MBOAT1: variants seen among roughly 807,000 people sequenced by gnomAD.
MBOAT1 encodes the protein membrane-bound glycerophospholipid O-acyltransferase 1.
MBOAT1 carries 67 observed loss-of-function variants against 64.4 expected under a neutral mutation model. That is an observed-to-expected ratio of 1.04 (90% CI 0.85 to 1.27). The LOEUF is 1.27. Ranked by LOEUF, MBOAT1 falls within the 50% of genes most tolerant of loss-of-function variation. The probability of loss-of-function intolerance (pLI) is 0.00; values close to 1 mark genes in which losing one functional copy is unlikely to be tolerated. For missense variants in MBOAT1, 563 were observed against 604.6 expected (o/e 0.93, Z 0.72); for synonymous variants, 229 against 218.9 (o/e 1.05, Z -0.41).
At position 20,118,519 on chromosome 6, in the gene MBOAT1, G is replaced by A. The variant is rs1760397919; in HGVS notation, c.929C>T (p.Ala310Val). Reference sequence around the variant, plus strand: ...ATCCACTCCGCTGAACCCAAAGCCAGCTGCGTTATTCACTGCATCAGCTAT... The same window carrying A: ...ATCCACTCCGCTGAACCCAAAGCCAACTGCGTTATTCACTGCATCAGCTAT... Reference protein sequence around the residue: ...WTLADAVNNAAGFGFSGVDKN... With the variant: ...WTLADAVNNAVGFGFSGVDKN... The change falls in exon 9 of 13, where the codon GCT (alanine) becomes GTT (valine). Residue 310 changes from alanine (A) to valine (V), a missense_variant. By Grantham distance (64) the Ala-to-Val change is moderately conservative. Coordinates refer to ENST00000324607, the MANE Select transcript of MBOAT1 (RefSeq NM_001080480.3). 6.2e-7 allele frequency: 1 copy of A among 1,613,844 alleles called. No individual in the cohort carries two copies. Among genetic ancestry groups the A allele is most frequent in the Non-Finnish European group, 8.5e-7 (1 of 1,179,970 alleles).
chr6:20,174,299 A>C (rs979896116), intron 1 of MBOAT1, among the ~76,000 whole-genome samples: 9 of 152,198 alleles, frequency 5.9e-5, no homozygotes, highest in Non-Finnish European at 1.0e-4. Flanking sequence ...GTCATCATGC[A>C]AGCATCATAG....
intron 1 of MBOAT1, among the ~76,000 whole-genome samples, chr6:20,206,364 G>C (rs1195400601): frequency 6.6e-6 from 1 of 152,112 alleles, no homozygotes; most frequent in African/African-American, 2.4e-5. Flanking sequence ...AGTAAAGATG[G>C]GGTTTCGCCA....
chr6:20,152,013 T>C (rs926215262), intron 2 of MBOAT1, among the ~76,000 whole-genome samples: 9 of 152,114 alleles, frequency 5.9e-5, no homozygotes, highest in African/African-American at 2.2e-4. Context: ...GAGGGATCTG[T>C]AGAAGTCTAA....
intron 12 of MBOAT1, among the ~76,000 whole-genome samples, chr6:20,104,347 A>C (rs1394259241): frequency 6.6e-6 from 1 of 152,234 alleles, no homozygotes; most frequent in Non-Finnish European, 1.5e-5. Flanking sequence ...CAAGTATAAA[A>C]GGTTCTTCTT....
At chr6:20,164,243 G>C (rs1246336453) in intron 1 of MBOAT1, among the ~76,000 whole-genome samples, 1 of 151,476 alleles carries the variant, frequency 6.6e-6, no homozygotes, top group East Asian at 1.9e-4. Flanking sequence ...AATTTTTCCT[G>C]TGGCTCAGGT....
chr6:20,210,490 G>C (rs1421371717), intron 1 of MBOAT1, among the ~76,000 whole-genome samples: 1 of 152,120 alleles, frequency 6.6e-6, no homozygotes, highest in African/African-American at 2.4e-5. Context: ...ACTCCTGCTG[G>C]AGGGTGGTCA....
intron 2 of MBOAT1, among the ~76,000 whole-genome samples, chr6:20,151,557 C>A (rs543196454): frequency 1.2e-4 from 19 of 152,260 alleles, no homozygotes; most frequent in Non-Finnish European, 2.6e-4. Flanking sequence ...GAGATGAGTT[C>A]TTTCTTTAAG....
intron 10 of MBOAT1, among the ~76,000 whole-genome samples, chr6:20,114,002 C>G (rs1264077134): frequency 6.6e-6 from 1 of 151,874 alleles, no homozygotes; most frequent in African/African-American, 2.4e-5. Flanking sequence ...GGACTGAGAC[C>G]CCATTTGGAC....
chr6:20,201,583 A>ATTT (rs56306528), intron 1 of MBOAT1, among the ~76,000 whole-genome samples: 3 of 143,234 alleles, frequency 2.1e-5, no homozygotes, highest in African/African-American at 7.7e-5. Flanking sequence ...CAGATAAGTG[A>ATTT]TTTTTTTTTT....
chr6:20,206,795 A>G lies in MBOAT1; in HGVS notation c.99+5341T>C, dbSNP rs149209087. 4.6e-5 allele frequency among the ~76,000 whole-genome samples: 7 copies of G among 152,062 alleles called. No homozygotes were observed. In the East Asian group the frequency reaches 1.4e-3, roughly 29 times the overall value. On this transcript the variant is annotated intron_variant, in intron 1 of 12. Coordinates refer to ENST00000324607, the MANE Select transcript of MBOAT1 (RefSeq NM_001080480.3). ...ATACCCCAGTTCCCCTGCTTGCTAC[A>G]CTCAACAGACTTTCACCCCCACCCT...
At chr6:20,171,065 T>G (rs568953228) in intron 1 of MBOAT1, among the ~76,000 whole-genome samples, 2 of 152,300 alleles carry the variant, frequency 1.3e-5, no homozygotes, top group Admixed American at 6.5e-5. Flanking sequence ...GTAGGAAATA[T>G]AGTTTTGGTA....
intron 1 of MBOAT1, among the ~76,000 whole-genome samples, chr6:20,188,919 C>T (rs962926888): frequency 1.3e-5 from 2 of 152,174 alleles, no homozygotes; most frequent in East Asian, 1.9e-4. Flanking sequence ...AGGACCCATC[C>T]TAAATGCATG....
intron 12 of MBOAT1, among the ~76,000 whole-genome samples, chr6:20,109,302 C>G (rs1032176483): frequency 1.3e-5 from 2 of 152,202 alleles, no homozygotes; most frequent in African/African-American, 4.8e-5. Flanking sequence ...CAAATTTACC[C>G]TCTGAGTTTT....
At position 20,126,806 on chromosome 6, in the gene MBOAT1, A is replaced by T. The variant is rs1180378049; in HGVS notation, c.531-106T>A. ...GTTATCTCTGTAGATTCGATACATG[A>T]CATGACCTTTCCTTGTTTTGTTTCT... On this transcript the variant is annotated intron_variant, in intron 6 of 12. Coordinates refer to ENST00000324607, the MANE Select transcript of MBOAT1 (RefSeq NM_001080480.3). The T allele has an allele frequency of 6.2e-6, 5 of 801,790 alleles. No individual in the cohort carries two copies. In the East Asian group the frequency reaches 1.1e-4, roughly 18 times the overall value. The allele number at this position is 801,790 out of a possible 1,614,324, so 49.7% of individuals were successfully genotyped here. A position where few individuals can be genotyped will look rare whatever the true frequency, so the allele number is the denominator to read the frequency against.
intron 1 of MBOAT1, among the ~76,000 whole-genome samples, chr6:20,184,281 G>C (rs1249043117): frequency 6.6e-6 from 1 of 152,200 alleles, no homozygotes; most frequent in Non-Finnish European, 1.5e-5. Context: ...GTCCAGCCTG[G>C]CTGGCAAAGC....
intron 1 of MBOAT1, among the ~76,000 whole-genome samples, chr6:20,187,893 G>A (rs1270283995): frequency 6.6e-6 from 1 of 152,208 alleles, no homozygotes; most frequent in Non-Finnish European, 1.5e-5. Flanking sequence ...ATGGGAGGCT[G>A]AGGCGGGAGG....
At position 20,111,301 on chromosome 6, in the gene MBOAT1, G is replaced by C. The variant is rs892888226; in HGVS notation, c.1210-1552C>G. 2.6e-5 allele frequency among the ~76,000 whole-genome samples: 4 copies of C among 152,302 alleles called. No individual in the cohort carries two copies. The East Asian group carries it at 7.7e-4, about 29-fold the overall frequency. The stretch of plus-strand genomic sequence containing the variant: ...AGAAGATGCATCAGTGCCCAAGGCT[G>C]CCTCTCAGCCCTAAGTTCCTCAGGA... On this transcript the variant is annotated intron_variant, in intron 11 of 12. Transcript: ENST00000324607.
chr6:20,111,837 C>CATATATATATACATATATATACAT (rs1476326103), intron 11 of MBOAT1, among the ~76,000 whole-genome samples: 1 of 92,628 alleles, frequency 1.1e-5, no homozygotes, highest in African/African-American at 3.6e-5. Flanking sequence ...TATATATACA[C>CATATATATATACATATATATACAT]ATATATATAC....
At chr6:20,109,869 G>T in intron 11 of MBOAT1, 120 bp from the exon 12 acceptor site, 1 of 682,880 alleles carries the variant, frequency 1.5e-6, no homozygotes. Context: ...ACCAACATCT[G>T]AGTTGTATTT....
Sources: allele counts gnomAD v4.1 joint callset (sites outside exome capture counted in the v4.1 genomes callset), GRCh38; gene constraint gnomAD v4.1.1; transcripts MANE v1.5; gene names NCBI Gene and HGNC (gene_info 2026-07-23, HGNC 2026-07-21).